Variants in SLX4IP observed in about 807,000 individuals in gnomAD.
The protein encoded by SLX4IP is protein SLX4IP.
A neutral mutation model predicts 32.9 loss-of-function variants in SLX4IP; 34 were observed. The ratio of observed to expected loss-of-function variants is 1.03; its 90% CI spans 0.79 to 1.38. SLX4IP has a LOEUF of 1.38. Ranked by LOEUF, SLX4IP falls within the 40% of genes most tolerant of loss-of-function variation. SLX4IP has a pLI of 0.00. For missense variants in SLX4IP, 444 were observed against 479.0 expected, an observed-to-expected ratio of 0.93 and a Z score of 0.68; for synonymous variants, 172 against 171.7, an observed-to-expected ratio of 1.00 and a Z score of -0.01.
chr20:10,546,185 G>T, intron 2 of SLX4IP, among the ~76,000 whole-genome samples: 1 of 152,310 alleles, frequency 6.6e-6, no homozygotes, highest in Non-Finnish European at 1.5e-5. Context: ...CTAAATATGA[G>T]TGATGCTTGT....
intron 4 of SLX4IP, among the ~76,000 whole-genome samples, chr20:10,570,922 T>C (rs2066457157): frequency 6.6e-6 from 1 of 152,098 alleles, no homozygotes; most frequent in Non-Finnish European, 1.5e-5. Context: ...CTCAACCACC[T>C]GGGTTCAAGT....
chr20:10,610,934 G>A lies in SLX4IP; in HGVS notation c.405+9115G>A, dbSNP rs111566483. ...CATTTTAAAGACAGGTGGCTTCTGCGCAGCCATTTTGCCTTGTGGTCTGGG... is the reference window on the plus strand; with the variant it reads ...CATTTTAAAGACAGGTGGCTTCTGCACAGCCATTTTGCCTTGTGGTCTGGG... On this transcript the variant is annotated intron_variant, in intron 6 of 7. Coordinates refer to ENST00000334534, the MANE Select transcript of SLX4IP (RefSeq NM_001009608.3). Among the ~76,000 whole-genome samples the A allele has an allele frequency of 5.5e-3, 833 of 152,272 alleles. 14 individuals carry two copies. Among genetic ancestry groups the A allele is most frequent in the African/African-American group, 0.019 (776 of 41,554 alleles).
At chr20:10,581,428 A>C (rs1316181592) in intron 4 of SLX4IP, among the ~76,000 whole-genome samples, 3 of 152,206 alleles carry the variant, frequency 2.0e-5, no homozygotes, top group Non-Finnish European at 4.4e-5. Flanking sequence ...AAGTCCAGGA[A>C]GAAAAGAGAG....
At chr20:10,619,432 T>G (rs6032911) in intron 6 of SLX4IP, among the ~76,000 whole-genome samples, 8 of 152,308 alleles carry the variant, frequency 5.3e-5, no homozygotes, top group African/African-American at 1.9e-4. Context: ...CTCTTTAAAC[T>G]GAATTTTAAA....
At chr20:10,529,615 T>A (rs1302345868) in intron 2 of SLX4IP, among the ~76,000 whole-genome samples, 99 of 101,576 alleles carry the variant, frequency 9.7e-4, no homozygotes, top group African/African-American at 1.5e-3. Flanking sequence ...AAAAAAAAAA[T>A]GATTCTGATT....
intron 1 of SLX4IP, among the ~76,000 whole-genome samples, chr20:10,457,330 A>C (rs1164025376): frequency 1.3e-5 from 2 of 152,070 alleles, no homozygotes; most frequent in African/African-American, 4.8e-5. Flanking sequence ...CTTCATCATT[A>C]AGTATGATTT....
At chr20:10,484,678 A>T (rs1018484641) in intron 2 of SLX4IP, among the ~76,000 whole-genome samples, 1 of 152,210 alleles carries the variant, frequency 6.6e-6, no homozygotes, top group Admixed American at 6.5e-5. Flanking sequence ...AATAAGTAAG[A>T]CATAGTCCTC....
In SLX4IP at chr20:10,571,121, C is replaced by T. The variant is rs112825191; in HGVS notation, c.238+10301C>T. On this transcript the variant is annotated intron_variant, in intron 4 of 7. Transcript: ENST00000334534. ...GTGTTGGGATTACAGACGTGAGCCT[C>T]CATGCCTGGCCTGCATCACCCTTTT... is the stretch of plus-strand genomic sequence containing the variant. Among the ~76,000 whole-genome samples the T allele has an allele frequency of 3.2e-3, 486 of 152,326 alleles. 5 individuals are homozygous for T. Among genetic ancestry groups the T allele is most frequent in the African/African-American group, 0.01 (429 of 41,582 alleles).
chr20:10,601,494 G>A (rs2066841147), intron 5 of SLX4IP, among the ~76,000 whole-genome samples: 1 of 152,190 alleles, frequency 6.6e-6, no homozygotes, highest in African/African-American at 2.4e-5. Flanking sequence ...TTCCTGTAAT[G>A]TAATGGTCCC....
chr20:10,528,906 A>G (rs1320877971), intron 2 of SLX4IP, among the ~76,000 whole-genome samples: 1 of 152,212 alleles, frequency 6.6e-6, no homozygotes, highest in Non-Finnish European at 1.5e-5. Context: ...ATGTAACCAA[A>G]CACAGCCTAG....
intron 1 of SLX4IP, among the ~76,000 whole-genome samples, chr20:10,438,034 G>A (rs924808353): frequency 2.6e-5 from 4 of 152,176 alleles, no homozygotes; most frequent in Non-Finnish European, 5.9e-5. Flanking sequence ...CATAGTCACA[G>A]CCATGTAAAT....
chr20:10,519,327 C>T (rs966528399), intron 2 of SLX4IP, among the ~76,000 whole-genome samples: 3 of 152,128 alleles, frequency 2.0e-5, no homozygotes, highest in African/African-American at 7.2e-5. Context: ...TTCATCACCC[C>T]CCCAAAAAGA....
Position 10,495,345 on chromosome 20 carries a change from A to AT in SLX4IP, c.27+37116dup, listed in dbSNP as rs1291579932. Among the ~76,000 whole-genome samples, 3 of 151,916 alleles carry AT rather than the reference A, an allele frequency of 2.0e-5. No homozygotes were observed. In the Admixed American group the frequency reaches 2.0e-4, roughly 10 times the overall value. ...GTCAGTTTCTAATTTAACTGCCCAC[A>AT]TTATGGCTAGAGGATGTGGTCTGTG... On this transcript the variant is annotated intron_variant, in intron 2 of 7. Transcript: ENST00000334534.
intron 2 of SLX4IP, among the ~76,000 whole-genome samples, chr20:10,553,220 A>G (rs1420131054): frequency 6.6e-6 from 1 of 152,206 alleles, no homozygotes; most frequent in Non-Finnish European, 1.5e-5. Flanking sequence ...TTCATATTAC[A>G]TTAAGGTTGT....
At chr20:10,496,445 A>G (rs892359245) in intron 2 of SLX4IP, among the ~76,000 whole-genome samples, 1 of 152,160 alleles carries the variant, frequency 6.6e-6, no homozygotes, top group African/African-American at 2.4e-5. Context: ...AGAAAACCCA[A>G]TTAGAGAGTC....
chr20:10,518,367 C>A (rs1017669174), intron 2 of SLX4IP, among the ~76,000 whole-genome samples: 3 of 149,588 alleles, frequency 2.0e-5, no homozygotes, highest in African/African-American at 7.3e-5. Flanking sequence ...TTCTTTCTTT[C>A]TCTCTCTCTT....
At chr20:10,602,235 A>G (rs1032380884) in intron 6 of SLX4IP, among the ~76,000 whole-genome samples, 2 of 152,180 alleles carry the variant, frequency 1.3e-5, no homozygotes, top group African/African-American at 4.8e-5. Context: ...CATGAGAACC[A>G]GTACTTTTCC....
At chr20:10,532,207 T>G (rs1252525406) in intron 2 of SLX4IP, among the ~76,000 whole-genome samples, 1 of 152,154 alleles carries the variant, frequency 6.6e-6, no homozygotes, top group Non-Finnish European at 1.5e-5. Flanking sequence ...TGTATTTAAT[T>G]TATTGAATTC....
intron 1 of SLX4IP, among the ~76,000 whole-genome samples, chr20:10,444,409 G>A (rs1004300403): frequency 1.3e-5 from 2 of 151,808 alleles, no homozygotes; most frequent in African/African-American, 2.4e-5. Flanking sequence ...CTGGAGTCTC[G>A]CTCTGTCACC....
Sources: allele counts gnomAD v4.1 joint callset (sites outside exome capture counted in the v4.1 genomes callset), GRCh38; gene constraint gnomAD v4.1.1; transcripts MANE v1.5; gene names NCBI Gene and HGNC (gene_info 2026-07-23, HGNC 2026-07-21).